Variants in TRAPPC12 observed in about 807,000 individuals in gnomAD.
TRAPPC12 encodes TPR repeat protein 15.
TRAPPC12 carries 61 observed loss-of-function variants against 69.2 expected under a neutral mutation model. That is an observed-to-expected ratio of 0.88 (90% CI 0.72 to 1.09). TRAPPC12 has a LOEUF of 1.09. TRAPPC12 is among the 50% of genes least tolerant of loss of function. The pLI is 0.00. For missense variants in TRAPPC12, 1,101 were observed against 1,016.4 expected (o/e 1.08, Z -1.13); for synonymous variants, 469 against 438.9 (o/e 1.07, Z -0.86).
At chr2:3,469,086 T>A (rs1329840480) in intron 9 of TRAPPC12, among the ~76,000 whole-genome samples, 2 of 152,204 alleles carry the variant, frequency 1.3e-5, no homozygotes, top group Non-Finnish European at 2.9e-5. Context: ...ATGCCTACTT[T>A]AAACTCAGAG....
chr2:3,424,989 G>A (rs773472974), intron 5 of TRAPPC12, among the ~76,000 whole-genome samples: 7 of 152,226 alleles, frequency 4.6e-5, no homozygotes, highest in Admixed American at 3.3e-4. Context: ...GTCCCATATC[G>A]GGACCTGGCG....
intron 6 of TRAPPC12, among the ~76,000 whole-genome samples, chr2:3,449,665 AAAGTTAGAAACAT>A (rs1297941851): frequency 5.3e-5 from 8 of 152,186 alleles, no homozygotes; most frequent in Non-Finnish European, 5.9e-5. Flanking sequence ...TTTGTTAAGC[AAAGTTAGAAACAT>A]AAGTGAGAAC....
At chr2:3,389,604 T>G in intron 2 of TRAPPC12, 1 of 462,000 alleles carries the variant, frequency 2.2e-6, no homozygotes, top group South Asian at 1.6e-5. Context: ...AACGGGCATC[T>G]TAACGGCTCT....
intron 6 of TRAPPC12, among the ~76,000 whole-genome samples, chr2:3,448,642 TAGGGCGTGGAGAGCAGCCGGTTACG>T (rs879424021): frequency 9.8e-4 from 134 of 136,588 alleles, no homozygotes; most frequent in Middle Eastern, 3.6e-3. Context: ...TACGCGAGGG[TAGGGCGTGGAGAGCAGCCGGTTACG>T]CGAGGGTAGG....
chr2:3,402,910 T>G (rs114706545), intron 3 of TRAPPC12, among the ~76,000 whole-genome samples: 1 of 152,162 alleles, frequency 6.6e-6, no homozygotes, highest in African/African-American at 2.4e-5. Flanking sequence ...AGCAAAGCCA[T>G]GCTCCCATGC....
chr2:3,434,637 C>T (rs1467719334), intron 5 of TRAPPC12, among the ~76,000 whole-genome samples: 1 of 152,162 alleles, frequency 6.6e-6, no homozygotes, highest in Non-Finnish European at 1.5e-5. Context: ...TGGGAGAGCC[C>T]AGCTTTTAGG....
intron 5 of TRAPPC12, among the ~76,000 whole-genome samples, chr2:3,430,657 A>G (rs1329763738): frequency 1.3e-5 from 2 of 152,254 alleles, no homozygotes; most frequent in Admixed American, 6.5e-5. Context: ...AAATAATTCT[A>G]GTTTAAAAAT....
At chr2:3,453,609 C>T (rs1365407467) in intron 6 of TRAPPC12, among the ~76,000 whole-genome samples, 2 of 152,138 alleles carry the variant, frequency 1.3e-5, no homozygotes, top group Admixed American at 1.3e-4. Flanking sequence ...CCAAACGAAC[C>T]GGGTGTGGCG....
chr2:3,422,145 G>T, intron 4 of TRAPPC12, 151 bp downstream of exon 4: 1 of 684,424 alleles, frequency 1.5e-6, no homozygotes. Context: ...ACTATACTGG[G>T]GCACTGGAAT....
intron 5 of TRAPPC12, among the ~76,000 whole-genome samples, chr2:3,435,244 C>T (rs1211167424): frequency 2.0e-5 from 3 of 152,000 alleles, no homozygotes; most frequent in African/African-American, 4.8e-5. Flanking sequence ...TAACTTCCAG[C>T]CTCAAGTGAT....
chr2:3,412,626 T>C (rs1223001965), intron 3 of TRAPPC12, among the ~76,000 whole-genome samples: 1 of 152,170 alleles, frequency 6.6e-6, no homozygotes, highest in African/African-American at 2.4e-5. Context: ...AATGAGCAAG[T>C]GCAGGTGAGC....
At chr2:3,458,646 C>A (rs781155288) in intron 7 of TRAPPC12, among the ~76,000 whole-genome samples, 2 of 152,186 alleles carry the variant, frequency 1.3e-5, no homozygotes, top group Non-Finnish European at 2.9e-5. Flanking sequence ...GTAACAAGGT[C>A]TGAAGGAGAG....
intron 6 of TRAPPC12, among the ~76,000 whole-genome samples, chr2:3,450,921 C>G (rs557432590): frequency 6.6e-6 from 1 of 152,266 alleles, no homozygotes; most frequent in African/African-American, 2.4e-5. Context: ...CGCAAAGGCT[C>G]CTTCCTCAAG....
intron 2 of TRAPPC12, 181 bp downstream of exon 2, chr2:3,388,851 C>A (rs1660662148): frequency 1.7e-6 from 1 of 600,428 alleles, no homozygotes. Flanking sequence ...GTTTCCCCAA[C>A]AGAACATATT....
intron 3 of TRAPPC12, among the ~76,000 whole-genome samples, chr2:3,415,720 C>CTTT (rs71396990): frequency 5.2e-5 from 7 of 134,280 alleles, no homozygotes; most frequent in African/African-American, 1.1e-4. Flanking sequence ...CACTTCTTTT[C>CTTT]TTTTTTTTTT....
intron 5 of TRAPPC12, among the ~76,000 whole-genome samples, chr2:3,431,371 T>G (rs777289125): frequency 6.6e-6 from 1 of 152,214 alleles, no homozygotes; most frequent in Non-Finnish European, 1.5e-5. Context: ...CCAGGAAACA[T>G]CATCCAGCCC....
chr2:3,459,927 C>G, intron 7 of TRAPPC12: 1 of 392,834 alleles, frequency 2.5e-6, no homozygotes, highest in African/African-American at 2.1e-5. Context: ...GTCGTCGTTT[C>G]TGTCAGCTTT....
intron 1 of TRAPPC12, 147 bp from the exon 2 acceptor site, chr2:3,387,473 T>C (rs1660544684): frequency 2.9e-6 from 2 of 679,320 alleles, no homozygotes; most frequent in Non-Finnish European, 4.9e-6. Flanking sequence ...GTCAATTTTA[T>C]GTGTATTTTA....
At chr2:3,460,455 C>G (rs763321388) in intron 8 of TRAPPC12, 119 bp downstream of exon 8, 2 of 665,274 alleles carry the variant, frequency 3.0e-6, no homozygotes, top group South Asian at 1.8e-5. Context: ...GAGAAGCCAG[C>G]TAAGTACTGG....
Sources: gnomAD v4.1 joint callset for allele counts (sites outside exome capture counted in the v4.1 genomes callset) on GRCh38, gnomAD v4.1.1 for gene constraint, MANE v1.5 for transcripts, NCBI Gene and HGNC (gene_info 2026-07-23, HGNC 2026-07-21) for gene names.